The following ADAMTSL1 variants were observed in gnomAD, a reference collection of about 807,000 sequenced individuals.
The protein encoded by ADAMTSL1 is ADAMTS-like protein 1.
In ADAMTSL1, 126 loss-of-function variants were observed where a neutral mutation model predicts 201.8. The ratio of observed to expected loss-of-function variants is 0.62; its 90% CI spans 0.54 to 0.72. ADAMTSL1 has a LOEUF of 0.72. ADAMTSL1 is among the 30% of genes least tolerant of loss of function. The pLI, the probability that ADAMTSL1 is intolerant of heterozygous loss-of-function variation, is 0.00. For missense variants in ADAMTSL1, 2,679 were observed against 2,277.8 expected (o/e 1.18, Z -3.59); for synonymous variants, 1,121 against 903.4 (o/e 1.24, Z -4.32).
At chr9:18,621,996 T>C (rs977026517) in intron 4 of ADAMTSL1, among the ~76,000 whole-genome samples, 3 of 152,144 alleles carry the variant, frequency 2.0e-5, no homozygotes, top group African/African-American at 7.2e-5. Context: ...CTCCCTATTC[T>C]CTCTCATTCT....
intron 2 of ADAMTSL1, among the ~76,000 whole-genome samples, chr9:18,205,146 T>A (rs1377552974): frequency 6.6e-6 from 1 of 152,118 alleles, no homozygotes; most frequent in African/African-American, 2.4e-5. Context: ...ATTTTATTAA[T>A]GAGATCTGAC....
chr9:18,105,378 G>A (rs1463922212), intron 1 of ADAMTSL1, among the ~76,000 whole-genome samples: 1 of 152,196 alleles, frequency 6.6e-6, no homozygotes, highest in Non-Finnish European at 1.5e-5. Context: ...GAACGTCTCT[G>A]ACACTTGCCC....
intron 1 of ADAMTSL1, among the ~76,000 whole-genome samples, chr9:18,019,292 G>T (rs1820384224): frequency 6.6e-6 from 1 of 152,066 alleles, no homozygotes; most frequent in African/African-American, 2.4e-5. Flanking sequence ...AAACGAAAAG[G>T]AGTCAGGACT....
chr9:18,583,952 C>T (rs1823291648), intron 4 of ADAMTSL1, among the ~76,000 whole-genome samples: 1 of 152,188 alleles, frequency 6.6e-6, no homozygotes, highest in African/African-American at 2.4e-5. Flanking sequence ...ATTTTACAGG[C>T]TCATAGGCGG....
rs1208055686 is a variant in ADAMTSL1, at chr9:18,351,584, C to T, written c.208-153245C>T. ...ACATAATTCTTTAAAAATATAAATA[C>T]TTAGTAAGTTTAGGCCAACAGGGGA... On this transcript the variant is annotated intron_variant, in intron 2 of 29. Transcript: ENST00000680146. Among the ~76,000 whole-genome samples the T allele has an allele frequency of 3.3e-5, 5 of 152,112 alleles. 1 individual carries two copies. The East Asian group carries it at 7.8e-4, about 24-fold the overall frequency.
intron 2 of ADAMTSL1, among the ~76,000 whole-genome samples, chr9:18,213,782 C>T (rs904974792): frequency 6.6e-5 from 10 of 152,132 alleles, no homozygotes; most frequent in Non-Finnish European, 1.0e-4. Context: ...CTCTGTCGCC[C>T]AGGCTGGAGT....
At chr9:18,616,097 C>T (rs189406606) in intron 4 of ADAMTSL1, among the ~76,000 whole-genome samples, 1 of 152,238 alleles carries the variant, frequency 6.6e-6, no homozygotes, top group East Asian at 1.9e-4. Flanking sequence ...GCCATCTCGG[C>T]TCACTGCAAC....
At chr9:18,041,808 A>T (rs1821437011) in intron 1 of ADAMTSL1, among the ~76,000 whole-genome samples, 1 of 152,162 alleles carries the variant, frequency 6.6e-6, no homozygotes, top group Admixed American at 6.5e-5. Context: ...TCAGCTGAGG[A>T]TGAAGTAAAC....
At chr9:18,289,976 G>A (rs977299965) in intron 2 of ADAMTSL1, among the ~76,000 whole-genome samples, 8 of 152,126 alleles carry the variant, frequency 5.3e-5, no homozygotes, top group African/African-American at 1.4e-4. Context: ...AAATGGAGAT[G>A]ATACCCTCTA....
intron 2 of ADAMTSL1, among the ~76,000 whole-genome samples, chr9:18,183,116 C>T (rs138954975): frequency 2.2e-4 from 34 of 152,232 alleles, no homozygotes; most frequent in African/African-American, 7.2e-4. Context: ...AAGGAGCAAA[C>T]GCAACACAGT....
At chr9:18,726,387 T>A (rs933653189) in intron 15 of ADAMTSL1, among the ~76,000 whole-genome samples, 3 of 150,886 alleles carry the variant, frequency 2.0e-5, no homozygotes, top group Non-Finnish European at 3.0e-5. Context: ...GGGGGGTGCC[T>A]GTAGTCATAG....
chr9:18,721,906 T>A (rs1833408995), intron 15 of ADAMTSL1, among the ~76,000 whole-genome samples: 1 of 152,228 alleles, frequency 6.6e-6, no homozygotes, highest in Admixed American at 6.5e-5. Context: ...GCCTGTGGCA[T>A]GGCTGGTATG....
At chr9:18,406,289 T>TTTTTC (rs141305844) in intron 2 of ADAMTSL1, among the ~76,000 whole-genome samples, 5,865 of 117,376 alleles carry the variant, frequency 0.05, 309 homozygotes, top group African/African-American at 0.13. Flanking sequence ...ATAAGACAGT[T>TTTTTC]TTTTCTTTTC....
intron 1 of ADAMTSL1, among the ~76,000 whole-genome samples, chr9:17,929,539 T>C (rs897027972): frequency 6.6e-6 from 1 of 152,102 alleles, no homozygotes; most frequent in Non-Finnish European, 1.5e-5. Context: ...TCCTCCCTTC[T>C]ATCCTCCTCC....
At chr9:18,118,234 C>T (rs1395626111) in intron 1 of ADAMTSL1, among the ~76,000 whole-genome samples, 1 of 152,206 alleles carries the variant, frequency 6.6e-6, no homozygotes, top group Non-Finnish European at 1.5e-5. Flanking sequence ...TTCTGGTTCA[C>T]TCAGTGATTC....
At chr9:18,482,584 G>A (rs923857596) in intron 1 of ADAMTSL1, among the ~76,000 whole-genome samples, 2 of 152,162 alleles carry the variant, frequency 1.3e-5, no homozygotes, top group African/African-American at 4.8e-5. Context: ...ACAGAAATGA[G>A]ACAGGAAATT....
chr9:18,451,034 A>G (rs961269845), intron 2 of ADAMTSL1, among the ~76,000 whole-genome samples: 1 of 152,232 alleles, frequency 6.6e-6, no homozygotes, highest in Non-Finnish European at 1.5e-5. Context: ...ACCCAGGGGT[A>G]AGACACCAAG....
intron 16 of ADAMTSL1, among the ~76,000 whole-genome samples, chr9:18,760,728 T>G (rs935301943): frequency 1.3e-5 from 2 of 152,202 alleles, no homozygotes; most frequent in African/African-American, 4.8e-5. Context: ...CTACTCTTCT[T>G]CATGGACCCA....
Position 18,706,918 on chromosome 9 carries a change from A to G in ADAMTSL1, c.1746A>G (p.Pro582=). 6.2e-7 allele frequency: 1 copy of G among 1,613,998 alleles called. No individual in the cohort carries two copies. Among genetic ancestry groups the G allele is most frequent in the Non-Finnish European group, 8.5e-7 (1 of 1,179,884 alleles). The part of the protein sequence containing the change: ...PASQRACYAG[P]CSGEIPEFNP... ...CCCAGCGTGCCTGTTATGCAGGCCC[A>G]TGCAGCGGGGAAATTCCTGAGTTCA... The change falls in exon 14 of 29, where the codon CCA becomes CCG. Residue 582 remains proline (P), a synonymous_variant. Coordinates refer to ENST00000380548, the MANE Select transcript of ADAMTSL1 (RefSeq NM_001040272.6).
Sources: allele counts gnomAD v4.1 joint callset (sites outside exome capture counted in the v4.1 genomes callset), GRCh38; gene constraint gnomAD v4.1.1; transcripts MANE v1.5; gene names NCBI Gene and HGNC (gene_info 2026-07-23, HGNC 2026-07-21).